GRIK2: variants seen among roughly 807,000 people sequenced by gnomAD.
GRIK2 encodes glutamate ionotropic receptor kainate type subunit 2.
Under a neutral mutation model 100.3 loss-of-function variants are expected in GRIK2, and 32 were observed. The observed-to-expected ratio is 0.32, with a 90% CI of 0.24 to 0.43. The LOEUF (loss-of-function observed/expected upper bound fraction) is 0.43. GRIK2 is among the 20% of genes least tolerant of loss of function. The pLI is 1.00. For synonymous variants in GRIK2, 417 were observed against 389.4 expected, an observed-to-expected ratio of 1.07 and a Z score of -0.83; for missense variants, 843 against 1,114.9, an observed-to-expected ratio of 0.76 and a Z score of 3.47.
chr6:101,830,036 G>C (rs1341327186), intron 10 of GRIK2, among the ~76,000 whole-genome samples: 1 of 151,958 alleles, frequency 6.6e-6, no homozygotes, highest in African/African-American at 2.4e-5. Context: ...ATACTACAAG[G>C]CTACAGTAAC....
At chr6:101,628,929 G>A (rs1018867622) in intron 4 of GRIK2, among the ~76,000 whole-genome samples, 1 of 152,056 alleles carries the variant, frequency 6.6e-6, no homozygotes, top group Non-Finnish European at 1.5e-5. Context: ...GTATGCACAT[G>A]TGTGGCATTT....
intron 16 of GRIK2, among the ~76,000 whole-genome samples, chr6:102,059,893 T>A (rs1771661620): frequency 1.3e-5 from 2 of 150,440 alleles, no homozygotes; most frequent in East Asian, 3.9e-4. Context: ...TTTATTGAAC[T>A]GTCTGGATAT....
chr6:101,850,121 T>C (rs1456014487), intron 10 of GRIK2, among the ~76,000 whole-genome samples: 2 of 152,042 alleles, frequency 1.3e-5, no homozygotes, highest in Non-Finnish European at 2.9e-5. Flanking sequence ...AAACGTAGCC[T>C]GTGAGAACAT....
chr6:101,567,701 CT>C (rs1777344499), intron 2 of GRIK2, among the ~76,000 whole-genome samples: 1 of 151,934 alleles, frequency 6.6e-6, no homozygotes, highest in African/African-American at 2.4e-5. Flanking sequence ...TAAAGTTACA[CT>C]TCTGTTTCTT....
intron 10 of GRIK2, among the ~76,000 whole-genome samples, chr6:101,847,820 C>G (rs1256436389): frequency 6.6e-6 from 1 of 152,082 alleles, no homozygotes; most frequent in African/African-American, 2.4e-5. Context: ...CTTGTCCCAG[C>G]TCTTAGTGCC....
At chr6:101,809,903 G>A (rs1053921234) in intron 9 of GRIK2, among the ~76,000 whole-genome samples, 2 of 151,854 alleles carry the variant, frequency 1.3e-5, no homozygotes, top group Admixed American at 6.6e-5. Context: ...CTTTCAGGAC[G>A]ATAAAATATT....
chr6:101,909,580 A>G (rs1788513431), intron 12 of GRIK2, among the ~76,000 whole-genome samples: 1 of 150,924 alleles, frequency 6.6e-6, no homozygotes, highest in African/African-American at 2.4e-5. Flanking sequence ...TCGTGAGCAC[A>G]TTTCCTGTTT....
At chr6:101,972,535 T>C (rs1445563346) in intron 14 of GRIK2, among the ~76,000 whole-genome samples, 3 of 147,938 alleles carry the variant, frequency 2.0e-5, no homozygotes, top group Non-Finnish European at 4.5e-5. Flanking sequence ...AATGTTTTCT[T>C]CTATTCTGTA....
At position 101,486,473 on chromosome 6, in the gene GRIK2, C is replaced by G. The variant is rs569416137; in HGVS notation, c.115+87081C>G. 5.3e-5 allele frequency among the ~76,000 whole-genome samples: 8 copies of G among 151,940 alleles called. No homozygotes were observed. In the South Asian group the frequency reaches 1.0e-3, roughly 20 times the overall value. On this transcript the variant is annotated intron_variant, in intron 2 of 16. Coordinates refer to ENST00000369134, the MANE Select transcript of GRIK2 (RefSeq NM_021956.5). ...CTGAGCTCTTTATGAGAAGAAGCCA[C>G]TAAGACATTTGAGCAAGGAACTATT...
intron 14 of GRIK2, among the ~76,000 whole-genome samples, chr6:101,998,812 C>CTTTTTTTTTTTTTTTTTTTT: frequency 9.1e-6 from 1 of 110,076 alleles, no homozygotes; most frequent in Non-Finnish European, 1.8e-5. Flanking sequence ...TTTTTCTTTT[C>CTTTTTTTTTTTTTTTTTTTT]TTTTTTTTTT....
At chr6:101,744,141 A>G (rs1364439887) in intron 7 of GRIK2, among the ~76,000 whole-genome samples, 1 of 151,890 alleles carries the variant, frequency 6.6e-6, no homozygotes, top group East Asian at 1.9e-4. Flanking sequence ...ACGGGGTTTC[A>G]ACATGTTGGC....
At chr6:101,613,986 C>T (rs1428489092) in intron 2 of GRIK2, among the ~76,000 whole-genome samples, 1 of 151,518 alleles carries the variant, frequency 6.6e-6, no homozygotes, top group Non-Finnish European at 1.5e-5. Context: ...TATGGGAGAA[C>T]TTTGTGCTGG....
chr6:101,840,412 C>T (rs114929857), intron 10 of GRIK2, among the ~76,000 whole-genome samples: 2,605 of 152,264 alleles, frequency 0.017, 84 homozygotes, highest in African/African-American at 0.059. Context: ...ACATTGATTT[C>T]TAATTACTTC....
intron 7 of GRIK2, among the ~76,000 whole-genome samples, chr6:101,791,799 C>A (rs1779882515): frequency 6.6e-6 from 1 of 151,556 alleles, no homozygotes; most frequent in African/African-American, 2.4e-5. Flanking sequence ...CTAATGTTGA[C>A]AGTGTGGTGT....
chr6:102,040,417 A>AAAT (rs1175969820), intron 15 of GRIK2, among the ~76,000 whole-genome samples: 1 of 151,598 alleles, frequency 6.6e-6, no homozygotes, highest in Non-Finnish European at 1.5e-5. Context: ...AACTTTTATC[A>AAAT]AATTATAATG....
Position 101,963,278 on chromosome 6 carries a change from ATTTTTTTTTTTTTTTTTTTT to A in GRIK2, c.2085+34664_2085+34683del, listed in dbSNP as rs3029099. The stretch of plus-strand genomic sequence containing the variant: ...TATTTCATATTTATACTTATTTAGG[ATTTTTTTTTTTTTTTTTTTT>A]TTTTTTTTTTTTTTTTTGAGATGGA... On this transcript the variant is annotated intron_variant, in intron 14 of 16. Coordinates refer to ENST00000369134, the MANE Select transcript of GRIK2 (RefSeq NM_021956.5). 9.6e-3 allele frequency among the ~76,000 whole-genome samples: 268 copies of A among 27,854 alleles called. 4 individuals carry two copies. The highest frequency in any genetic ancestry group is 0.028 in the African/African-American group (225 of 8,050). 18.3% of individuals were successfully genotyped at this position (27,854 alleles called of 152,430 possible).
At chr6:102,034,858 A>C (rs1393540925) in intron 14 of GRIK2, among the ~76,000 whole-genome samples, 1 of 151,358 alleles carries the variant, frequency 6.6e-6, no homozygotes, top group African/African-American at 2.4e-5. Context: ...CTGGGGGTTA[A>C]TGTAGCATCT....
chr6:101,435,456 C>T (rs1438792124), intron 2 of GRIK2, among the ~76,000 whole-genome samples: 1 of 151,788 alleles, frequency 6.6e-6, no homozygotes, highest in African/African-American at 2.4e-5. Flanking sequence ...ATAGCAACCC[C>T]CTTCCCCTCA....
At position 102,031,837 on chromosome 6, in the gene GRIK2, T is replaced by C. The variant is rs1410771654; in HGVS notation, c.2086-3504T>C. 1.3e-4 allele frequency among the ~76,000 whole-genome samples: 19 copies of C among 151,270 alleles called. No homozygotes were observed. In the Admixed American group the frequency reaches 1.3e-3, roughly 10 times the overall value. ...ATGACTGTGTAGTATTCTATGGTGA[T>C]ACACGTATTTTAAATAAAAGAGTAA... On this transcript the variant is annotated intron_variant, in intron 14 of 16. Coordinates refer to ENST00000369134, the MANE Select transcript of GRIK2 (RefSeq NM_021956.5).
Sources: allele counts gnomAD v4.1 joint callset (sites outside exome capture counted in the v4.1 genomes callset), GRCh38; gene constraint gnomAD v4.1.1; transcripts MANE v1.5; gene names NCBI Gene and HGNC (gene_info 2026-07-23, HGNC 2026-07-21).